The following KDR variants were observed in gnomAD, a reference collection of about 807,000 sequenced individuals.
KDR encodes the protein vascular endothelial growth factor receptor 2.
Under a neutral mutation model 160.9 loss-of-function variants are expected in KDR, and 43 were observed. That is an observed-to-expected ratio of 0.27 (90% confidence interval 0.21 to 0.34). The LOEUF is 0.34. Among genes scored for constraint, KDR ranks in the 10% least tolerant of loss-of-function variants. The pLI, the probability that KDR is intolerant of heterozygous loss-of-function variation, is 1.00. For synonymous variants in KDR, 617 were observed against 600.1 expected, an observed-to-expected ratio of 1.03 and a Z score of -0.41; for missense variants, 1,469 against 1,666.4, an observed-to-expected ratio of 0.88 and a Z score of 2.06.
intron 19 of KDR, among the ~76,000 whole-genome samples, chr4:55,095,883 C>A (rs1720139324): frequency 6.6e-6 from 1 of 152,064 alleles, no homozygotes; most frequent in Non-Finnish European, 1.5e-5. Context: ...CAGAAGAAAA[C>A]CCACCCATCT....
chr4:55,095,859 A>G (rs1452356079), intron 19 of KDR, among the ~76,000 whole-genome samples, 194 bp from the exon 20 acceptor site: 1 of 152,148 alleles, frequency 6.6e-6, no homozygotes, highest in Admixed American at 6.5e-5. Flanking sequence ...TTTTCACAAG[A>G]TTAACCAAAA....
At chr4:55,106,846 A>C in intron 10 of KDR, 36 bp from the exon 11 acceptor site, 1 of 1,579,412 alleles carries the variant, frequency 6.3e-7, no homozygotes, top group Non-Finnish European at 8.7e-7. Context: ...ATTATGATTT[A>C]ATTTTTCTTT....
At chr4:55,120,945 T>C in intron 2 of KDR, 152 bp downstream of exon 2, 1 of 604,502 alleles carries the variant, frequency 1.7e-6, no homozygotes, top group South Asian at 2.0e-5. Context: ...ATTCTTCTCA[T>C]TTTCCATTAT....
chr4:55,104,002 C>A (rs140268834), intron 13 of KDR, among the ~76,000 whole-genome samples: 1 of 152,146 alleles, frequency 6.6e-6, no homozygotes, highest in Non-Finnish European at 1.5e-5. Flanking sequence ...CTGAAGTGAT[C>A]GTCCCATTGA....
In KDR at chr4:55,118,758, A is replaced by G. The variant is rs141641290; in HGVS notation, c.204T>C (p.Ser68=). The stretch of plus-strand genomic sequence containing the variant: ...TCACCTCCACCCTTTGCTCACTGCC[A>G]CTCTGATTATTGGGCCAAAGCCAGT... ...DLDWLWPNNQ[S]GSEQRVEVTE... Residue 68 remains serine, a synonymous_variant, in exon 3 of 30, where the codon AGT becomes AGC. Transcript: ENST00000263923. 2,419 of 1,614,044 alleles carry G rather than the reference A, an allele frequency of 1.5e-3. 20 individuals are homozygous for G. In the African/African-American group the frequency reaches 0.023, roughly 15 times the overall value.
intron 5 of KDR, among the ~76,000 whole-genome samples, chr4:55,114,580 T>C (rs1437569377): frequency 6.6e-6 from 1 of 152,240 alleles, no homozygotes; most frequent in Non-Finnish European, 1.5e-5. Flanking sequence ...ATTGAAATAA[T>C]TGATAGCAAG....
intron 22 of KDR, among the ~76,000 whole-genome samples, chr4:55,090,849 CTTTTTTTTTTTTTTT>C (rs61138010): frequency 2.4e-5 from 2 of 84,050 alleles, no homozygotes; most frequent in African/African-American, 9.1e-5. Context: ...TAGAAGAAAA[CTTTTTTTTTTTTTTT>C]TTTTTTTTTT....
chr4:55,108,198 C>CAA (rs10693062), intron 9 of KDR, among the ~76,000 whole-genome samples: 36,856 of 114,678 alleles, frequency 0.32, 5,278 homozygotes, highest in Non-Finnish European at 0.39. Context: ...CCATCTCTAC[C>CAA]AAAAAAAAAA....
At chr4:55,101,409 G>A (rs889912014) in intron 15 of KDR, among the ~76,000 whole-genome samples, 5 of 152,158 alleles carry the variant, frequency 3.3e-5, no homozygotes, top group African/African-American at 4.8e-5. Context: ...ATCATCTGTC[G>A]TTGCCCTATT....
chr4:55,108,157 T>TC (rs1186854132), intron 9 of KDR, among the ~76,000 whole-genome samples: 1 of 133,788 alleles, frequency 7.5e-6, no homozygotes, highest in East Asian at 2.2e-4. Flanking sequence ...GCCCAGGAGA[T>TC]CAAGACCAGC....
chr4:55,119,324 T>TTC (rs967401512), intron 2 of KDR, among the ~76,000 whole-genome samples: 1 of 152,254 alleles, frequency 6.6e-6, no homozygotes, highest in Admixed American at 6.5e-5. Flanking sequence ...AATTAATGCA[T>TTC]TCTTTCTTTC....
chr4:55,102,242 C>T, intron 14 of KDR, 120 bp downstream of exon 14: 2 of 1,326,826 alleles, frequency 1.5e-6, no homozygotes, highest in South Asian at 2.4e-5. Flanking sequence ...GTGAAATGAG[C>T]CAGGTCATGG....
At chr4:55,119,815 C>T (rs1720822644) in intron 2 of KDR, among the ~76,000 whole-genome samples, 1 of 152,170 alleles carries the variant, frequency 6.6e-6, no homozygotes, top group South Asian at 2.1e-4. Context: ...TGCAGCATTT[C>T]TCTACAAGGC....
chr4:55,093,586 G>A (rs1019057720), intron 21 of KDR, among the ~76,000 whole-genome samples: 3 of 152,128 alleles, frequency 2.0e-5, no homozygotes, highest in Non-Finnish European at 2.9e-5. Flanking sequence ...CACTCAGTGT[G>A]GGCCCAGCTA....
intron 1 of KDR, among the ~76,000 whole-genome samples, chr4:55,124,694 A>C (rs901836831): frequency 9.5e-5 from 1 of 10,544 alleles, no homozygotes. Flanking sequence ...TCCAGACCCC[A>C]CTTCACACAG....
Position 55,108,593 on chromosome 4 carries a change from T to C in KDR, c.1256-700A>G, listed in dbSNP as rs1179500413. 7.9e-5 allele frequency among the ~76,000 whole-genome samples: 12 copies of C among 152,296 alleles called. No individual in the cohort carries two copies. In the East Asian group the frequency reaches 2.1e-3, roughly 27 times the overall value. On this transcript the variant is annotated intron_variant, in intron 9 of 29. Coordinates refer to ENST00000263923, the MANE Select transcript of KDR (RefSeq NM_002253.4). ...GAACAAACCTAGACACTCTGACTTC[T>C]GAACCCAAACACGTAAACCACCTCA... is the stretch of plus-strand genomic sequence containing the variant.
chr4:55,091,317 T>C (rs984490883), intron 22 of KDR, among the ~76,000 whole-genome samples: 3 of 152,152 alleles, frequency 2.0e-5, no homozygotes, highest in Non-Finnish European at 4.4e-5. Context: ...AAACAGACAG[T>C]GTTTTTGACT....
In KDR at chr4:55,095,942, C is replaced by T. The variant is rs1720140950; in HGVS notation, c.2729-277G>A. Among the ~76,000 whole-genome samples the T allele has an allele frequency of 2.0e-5, 3 of 152,156 alleles. No individual in the cohort carries two copies. The South Asian group carries it at 6.2e-4, about 32-fold the overall frequency. On this transcript the variant is annotated intron_variant, in intron 19 of 29. Transcript: ENST00000263923. Reference sequence around the variant, plus strand: ...TGATATGATTCCATTTTGGGGGTAACTACCCTTAAGCTTTCAAGTTTTAGG... The same window carrying T: ...TGATATGATTCCATTTTGGGGGTAATTACCCTTAAGCTTTCAAGTTTTAGG...
intron 13 of KDR, among the ~76,000 whole-genome samples, chr4:55,104,209 T>C (rs1264005014): frequency 1.3e-5 from 2 of 152,164 alleles, no homozygotes; most frequent in East Asian, 3.9e-4. Context: ...CAGAGAACAA[T>C]TCCTGTTCTC....
Sources: gnomAD v4.1 joint callset for allele counts (sites outside exome capture counted in the v4.1 genomes callset) on GRCh38, gnomAD v4.1.1 for gene constraint, MANE v1.5 for transcripts, NCBI Gene and HGNC (gene_info 2026-07-23, HGNC 2026-07-21) for gene names.